R3HDM2: variants seen among roughly 807,000 people sequenced by gnomAD.
R3HDM2 encodes R3H domain-containing protein 2.
Under a neutral mutation model 124.5 loss-of-function variants are expected in R3HDM2, and 38 were observed. The observed-to-expected ratio is 0.31, with a 90% CI of 0.24 to 0.40. The LOEUF (loss-of-function observed/expected upper bound fraction) is 0.40, where lower values mean the gene tolerates loss of function less well. R3HDM2 is among the 10% of genes least tolerant of loss of function. The pLI, the probability that R3HDM2 is intolerant of heterozygous loss-of-function variation, is 1.00. For synonymous variants in R3HDM2, 391 were observed against 448.0 expected (o/e 0.87, Z 1.61); for missense variants, 869 against 1,236.9 (o/e 0.70, Z 4.46).
At chr12:57,381,559 A>G (rs1437926464) in intron 2 of R3HDM2, among the ~76,000 whole-genome samples, 1 of 151,864 alleles carries the variant, frequency 6.6e-6, no homozygotes, top group Admixed American at 6.6e-5. Flanking sequence ...AAAAAAAAAA[A>G]AAAAGAATGG....
At chr12:57,286,484 T>C (rs535003825) in intron 12 of R3HDM2, among the ~76,000 whole-genome samples, 1 of 152,318 alleles carries the variant, frequency 6.6e-6, no homozygotes, top group Admixed American at 6.5e-5. Flanking sequence ...TTTGGACTAG[T>C]ATCCAAGTAG....
intron 18 of R3HDM2, chr12:57,267,032 A>T (rs2042588260): frequency 4.3e-6 from 2 of 464,896 alleles, no homozygotes; most frequent in Admixed American, 7.5e-5. Context: ...ATCATCTTTC[A>T]ATTAGGAAGC....
rs1399413707 is a variant in R3HDM2, at chr12:57,254,259, G to C, written c.*514C>G. On this transcript the variant is annotated 3_prime_UTR_variant, in exon 24 of 24. Coordinates refer to ENST00000402412, the MANE Select transcript of R3HDM2 (RefSeq NM_001394031.1). Reference sequence around the variant, plus strand: ...CTCACGCCTGTAATCCCAGCACTCTGGAAGGCCAAGGCAGGTGGATCACCT... The same window carrying C: ...CTCACGCCTGTAATCCCAGCACTCTCGAAGGCCAAGGCAGGTGGATCACCT... The C allele has an allele frequency of 4.4e-6, 2 of 453,684 alleles. No individual in the cohort carries two copies. Among genetic ancestry groups the C allele is most frequent in the African/African-American group, 4.0e-5 (2 of 49,924 alleles). The allele number at this position is 453,684 out of a possible 1,614,324, so 28.1% of individuals were successfully genotyped here. A position where few individuals can be genotyped will look rare whatever the true frequency, so the allele number is the denominator to read the frequency against.
At chr12:57,375,475 A>C (rs1014052807) in intron 2 of R3HDM2, among the ~76,000 whole-genome samples, 2 of 152,322 alleles carry the variant, frequency 1.3e-5, no homozygotes, top group African/African-American at 4.8e-5. Context: ...AAAAATGGCT[A>C]TATCTCTTCA....
intron 19 of R3HDM2, 63 bp from the exon 20 acceptor site, chr12:57,259,122 C>T: frequency 6.5e-7 from 1 of 1,539,070 alleles, no homozygotes; most frequent in South Asian, 1.2e-5. Flanking sequence ...TTCCAACTAG[C>T]CCTGAGTGGG....
Position 57,303,208 on chromosome 12 carries a change from A to T in R3HDM2, c.175T>A (p.Ser59Thr), listed in dbSNP as rs1384017654. The change falls in exon 4 of 24, where the codon TCT becomes ACT. Residue 59 changes from serine to threonine, a missense_variant. By Grantham distance (58) the Ser-to-Thr change is moderately conservative. Around this residue, in one of 2 missense-constraint regions of R3HDM2, gnomAD observed 267 missense variants for 447.7 expected, o/e 0.60. Coordinates refer to ENST00000402412, the MANE Select transcript of R3HDM2 (RefSeq NM_001394031.1). The part of the protein sequence containing the change: ...SLRQETQRRT[S>T]NHGHARKRAK... ...CTTTTCCTGGCATGACCATGGTTAG[A>T]TGTCCGCCTCTGTTAGAAGGGAATT... 2.6e-6 allele frequency: 4 copies of T among 1,530,752 alleles called. No homozygotes were observed. The highest frequency in any genetic ancestry group is 3.5e-6 in the Non-Finnish European group (4 of 1,128,064). The allele number at this position is 1,530,752 out of a possible 1,614,324, so 94.8% of individuals were successfully genotyped here.
Position 57,269,848 on chromosome 12 carries a change from A to G in R3HDM2, c.1491T>C (p.Gly497=). ...AATAGTTGGAAGTGGGGAGGGGCTG[A>G]CCCGTGGAAGCCATGATGAAGCTAG... ...QQTSFIMAST[G]QPLPTSNYST... Residue 497 remains glycine, a synonymous_variant, in exon 15 of 24, where the codon GGT becomes GGC. Coordinates refer to ENST00000402412, the MANE Select transcript of R3HDM2 (RefSeq NM_001394031.1). 1 of 1,614,028 alleles carries G rather than the reference A, an allele frequency of 6.2e-7. No homozygotes were observed. Among genetic ancestry groups the G allele is most frequent in the Non-Finnish European group, 8.5e-7 (1 of 1,180,020 alleles).
intron 19 of R3HDM2, among the ~76,000 whole-genome samples, chr12:57,266,449 G>T (rs1330534666): frequency 6.6e-6 from 1 of 152,058 alleles, no homozygotes; most frequent in Non-Finnish European, 1.5e-5. Context: ...GCCCAGGCTG[G>T]TCTCAAACTC....
At chr12:57,360,269 C>A (rs901340068) in intron 2 of R3HDM2, among the ~76,000 whole-genome samples, 6 of 151,292 alleles carry the variant, frequency 4.0e-5, no homozygotes, top group Non-Finnish European at 8.8e-5. Flanking sequence ...CTCAGGTGAG[C>A]GACCCACCTC....
At chr12:57,300,243 G>A in intron 4 of R3HDM2, 62 bp from the exon 5 acceptor site, 1 of 1,370,712 alleles carries the variant, frequency 7.3e-7, no homozygotes, top group East Asian at 2.5e-5. Context: ...TCTTCCCTCG[G>A]TGAACATTCA....
chr12:57,273,796 C>T (rs892164715), intron 14 of R3HDM2, among the ~76,000 whole-genome samples: 9 of 152,162 alleles, frequency 5.9e-5, no homozygotes, highest in Non-Finnish European at 1.5e-5. Flanking sequence ...GCCATGGTAT[C>T]AATATCCTCT....
intron 2 of R3HDM2, among the ~76,000 whole-genome samples, chr12:57,366,803 C>A (rs956299587): frequency 1.3e-5 from 2 of 152,184 alleles, no homozygotes; most frequent in African/African-American, 4.8e-5. Flanking sequence ...CATTCTGCTG[C>A]CTCAGCCTCC....
chr12:57,371,079 A>G (rs1210046910), intron 2 of R3HDM2, among the ~76,000 whole-genome samples: 1 of 68,770 alleles, frequency 1.5e-5, no homozygotes, highest in Non-Finnish European at 3.2e-5. Context: ...AATATATACC[A>G]TTACTTTTTT....
chr12:57,316,073 C>A (rs769023662), intron 2 of R3HDM2, among the ~76,000 whole-genome samples: 4 of 152,130 alleles, frequency 2.6e-5, no homozygotes, highest in Admixed American at 6.6e-5. Context: ...CTCCAGCCTG[C>A]GCAACAGAGT....
intron 2 of R3HDM2, among the ~76,000 whole-genome samples, chr12:57,377,106 AAGAGAC>A (rs1566405427): frequency 9.2e-5 from 12 of 130,304 alleles, no homozygotes; most frequent in Admixed American, 1.8e-4. Context: ...AAATAAATAA[AAGAGAC>A]TTGGTCTCAG....
intron 1 of R3HDM2, among the ~76,000 whole-genome samples, chr12:57,426,596 T>C (rs1180939954): frequency 6.6e-6 from 1 of 152,146 alleles, no homozygotes; most frequent in African/African-American, 2.4e-5. Context: ...ATATTTGTCT[T>C]GGAAGGGACA....
chr12:57,255,884 T>A, intron 23 of R3HDM2, 106 bp downstream of exon 23: 1 of 948,608 alleles, frequency 1.1e-6, no homozygotes, highest in Non-Finnish European at 1.6e-6. Flanking sequence ...AGGGTCCCAC[T>A]TCCACTCCCC....
intron 2 of R3HDM2, among the ~76,000 whole-genome samples, chr12:57,342,481 C>T (rs147282610): frequency 3.4e-5 from 4 of 118,350 alleles, no homozygotes; most frequent in Non-Finnish European, 7.7e-5. Flanking sequence ...CAGACACAGA[C>T]ACAGGCACAC....
intron 1 of R3HDM2, among the ~76,000 whole-genome samples, chr12:57,402,644 T>C (rs2068142988): frequency 1.3e-5 from 2 of 151,816 alleles, no homozygotes; most frequent in South Asian, 4.2e-4. Context: ...TGGCAGGCGC[T>C]TGTAAATCTC....
Sources: gnomAD v4.1 joint callset for allele counts (sites outside exome capture counted in the v4.1 genomes callset) on GRCh38, gnomAD v4.1.1 for gene constraint, gnomAD v4.1.1 regional missense constraint, MANE v1.5 for transcripts, NCBI Gene and HGNC (gene_info 2026-07-23, HGNC 2026-07-21) for gene names.